The following INTS2 variants were observed in gnomAD, a reference collection of about 807,000 sequenced individuals.
INTS2 encodes KIAA1287.
Under a neutral mutation model 139.6 loss-of-function variants are expected in INTS2, and 57 were observed. That is an observed-to-expected ratio of 0.41 (90% CI 0.33 to 0.51). INTS2 has a LOEUF of 0.51. INTS2 is among the 20% of genes least tolerant of loss of function. INTS2 has a pLI of 0.28. For synonymous variants in INTS2, 473 were observed against 493.4 expected (o/e 0.96, Z 0.55); for missense variants, 1,196 against 1,436.7 (o/e 0.83, Z 2.71).
intron 3 of INTS2, among the ~76,000 whole-genome samples, chr17:61,924,205 G>A (rs999998602): frequency 1.3e-5 from 2 of 152,084 alleles, no homozygotes; most frequent in Non-Finnish European, 2.9e-5. Context: ...TGCTCATCCA[G>A]TGTCTAAATG....
chr17:61,912,535 A>G (rs915183997), intron 5 of INTS2, among the ~76,000 whole-genome samples: 26 of 152,232 alleles, frequency 1.7e-4, no homozygotes, highest in Non-Finnish European at 2.6e-4. Context: ...AGGCAGGAGA[A>G]TCGCTTGAAC....
intron 5 of INTS2, among the ~76,000 whole-genome samples, chr17:61,917,372 T>C (rs1205087347): frequency 1.3e-5 from 2 of 152,106 alleles, no homozygotes; most frequent in African/African-American, 4.8e-5. Flanking sequence ...AGCAAAGACA[T>C]GGAATCAACC....
chr17:61,894,354 A>G (rs1425961694), intron 12 of INTS2, among the ~76,000 whole-genome samples: 1 of 152,206 alleles, frequency 6.6e-6, no homozygotes, highest in Non-Finnish European at 1.5e-5. Flanking sequence ...TTTATTCTCA[A>G]TATGTCATGC....
Position 61,877,952 on chromosome 17 carries a change from A to T in INTS2, c.2391T>A (p.Val797=), listed in dbSNP as rs80353909. The change falls in exon 18 of 25, where the codon GTT becomes GTA. Residue 797 remains valine (V), a synonymous_variant. Transcript: ENST00000251334. ...TGACTGTTTGCAGAATTCTCCGTGG[A>T]ACCCCTGAATTCAATAGCTGGCTCA... ...SNMSQLLNSG[V]PRRILQTVNK... is the part of the protein sequence containing the mutation. 2.9e-4 allele frequency: 476 copies of T among 1,613,790 alleles called. 1 individual carries two copies. In the East Asian group the frequency reaches 8.2e-3, roughly 28 times the overall value.
At position 61,876,624 on chromosome 17, in the gene INTS2, G is replaced by C. The variant is rs959254942; in HGVS notation, c.2456+1263C>G. 1.1e-4 allele frequency among the ~76,000 whole-genome samples: 16 copies of C among 152,004 alleles called. 1 individual carries two copies. Among genetic ancestry groups the C allele is most frequent in the African/African-American group, 3.6e-4 (15 of 41,388 alleles). On this transcript the variant is annotated intron_variant, in intron 18 of 24. Coordinates refer to ENST00000251334, the MANE Select transcript of INTS2 (RefSeq NM_001351695.2). The surrounding 1 kb of genome is among the most constrained non-coding windows in gnomAD (Gnocchi z 4.1). ...TGCCCTGCTAATTTTTGTATTTTTT[G>C]TAGAGACGGGGTTTCACCATGTTGC...
At position 61,870,275 on chromosome 17, in the gene INTS2, A is replaced by T. The variant is rs537645449; in HGVS notation, c.2779-287T>A. 2.6e-5 allele frequency among the ~76,000 whole-genome samples: 4 copies of T among 152,322 alleles called. No homozygotes were observed. In the South Asian group the frequency reaches 8.3e-4, roughly 32 times the overall value. ...TACATAATGATATCACATATCTCTA[A>T]AATAGATCCATGGACTCCAGTTTAA... On this transcript the variant is annotated intron_variant, in intron 20 of 24. Transcript: ENST00000251334. The surrounding 1 kb of genome is among the most constrained non-coding windows in gnomAD (Gnocchi z 4.4).
rs542494809 is a variant in INTS2 at position 61,924,853 on chromosome 17, G to C, written c.432+108C>G. The stretch of plus-strand genomic sequence containing the variant: ...TCCAAAAAAAAAGAACAAAATAAGA[G>C]TAGAGGAGAATTCAACCTGCCTGAC... On this transcript the variant is annotated intron_variant, in intron 3 of 24. Transcript: ENST00000251334. 20 of 1,085,148 alleles carry C rather than the reference G, an allele frequency of 1.8e-5. No individual in the cohort carries two copies. The African/African-American group carries it at 2.8e-4, about 15-fold the overall frequency. 67.2% of individuals were successfully genotyped at this position (1,085,148 alleles called of 1,614,324 possible).
chr17:61,867,474 C>T lies in INTS2; in HGVS notation c.*83G>A. 1.3e-6 allele frequency: 1 copy of T among 742,602 alleles called. No homozygotes were observed. The highest frequency in any genetic ancestry group is 2.2e-6 in the Non-Finnish European group (1 of 457,702). 46.0% of individuals were successfully genotyped at this position (742,602 alleles called of 1,614,324 possible). ...TTCCAAGACAATACTTTACTGTTCCCATTCAGTTTAGAGTTGTTACTAATA... is the reference window on the plus strand; with the variant it reads ...TTCCAAGACAATACTTTACTGTTCCTATTCAGTTTAGAGTTGTTACTAATA... On this transcript the variant is annotated 3_prime_UTR_variant, in exon 25 of 25. Transcript: ENST00000251334. The surrounding 1 kb of genome is among the most constrained non-coding windows in gnomAD (Gnocchi z 5.6).
rs2079504252 is a variant in INTS2, at chr17:61,909,785, G to C, written c.954+1735C>G. Among the ~76,000 whole-genome samples, 1 of 151,846 alleles carries C rather than the reference G, an allele frequency of 6.6e-6. No individual in the cohort carries two copies. Among genetic ancestry groups the C allele is most frequent in the South Asian group, 2.1e-4 (1 of 4,808 alleles). ...TATTCCATGGTGTGTGTGTTTGTGT[G>C]TGTGTATACATATATACGTGTGTGT... On this transcript the variant is annotated intron_variant, in intron 7 of 24. Transcript: ENST00000251334. This position sits in a 1 kb window ranked among gnomAD's most constrained non-coding sequence, Gnocchi z 4.9.
At chr17:61,925,585 T>C (rs939878772) in intron 2 of INTS2, among the ~76,000 whole-genome samples, 3 of 148,752 alleles carry the variant, frequency 2.0e-5, no homozygotes, top group Non-Finnish European at 4.5e-5. Context: ...TAAAAAAAAA[T>C]AAAAATAAAA....
At chr17:61,908,492 C>T (rs1458299856) in intron 7 of INTS2, among the ~76,000 whole-genome samples, 3 of 152,182 alleles carry the variant, frequency 2.0e-5, no homozygotes, top group Admixed American at 2.0e-4. Context: ...TCTTCTCTCA[C>T]TCTGCACAGT....
intron 2 of INTS2, 74 bp from the exon 3 acceptor site, chr17:61,925,173 T>C (rs2079696693): frequency 4.4e-6 from 6 of 1,351,552 alleles, no homozygotes; most frequent in Middle Eastern, 1.8e-4. Flanking sequence ...TTATCTTTTA[T>C]TGAAATAAGC....
intron 3 of INTS2, among the ~76,000 whole-genome samples, chr17:61,922,875 C>A (rs550140314): frequency 6.6e-6 from 1 of 151,676 alleles, no homozygotes; most frequent in African/African-American, 2.4e-5. Flanking sequence ...GTCAGGAGTT[C>A]GAGACCAGCC....
chr17:61,923,895 C>T lies in INTS2; in HGVS notation c.432+1066G>A, dbSNP rs528124779. On this transcript the variant is annotated intron_variant, in intron 3 of 24. Coordinates refer to ENST00000251334, the MANE Select transcript of INTS2 (RefSeq NM_001351695.2). Reference sequence around the variant, plus strand: ...CTTGAACTCCCAACCTCAGGTGATCCGCCCACCTCGGCCTCCCAAAGTGCT... The same window carrying T: ...CTTGAACTCCCAACCTCAGGTGATCTGCCCACCTCGGCCTCCCAAAGTGCT... Among the ~76,000 whole-genome samples, 30 of 152,188 alleles carry T rather than the reference C, an allele frequency of 2.0e-4. No individual in the cohort carries two copies. The South Asian group carries it at 5.6e-3, about 28-fold the overall frequency.
At position 61,893,767 on chromosome 17, in the gene INTS2, T is replaced by C. The variant is rs770885508; in HGVS notation, c.1696A>G (p.Lys566Glu). 1 of 1,580,142 alleles carries C rather than the reference T, an allele frequency of 6.3e-7. No individual in the cohort carries two copies. Among genetic ancestry groups the C allele is most frequent in the East Asian group, 2.3e-5 (1 of 43,738 alleles). The change falls in exon 13 of 25, where the codon AAA (lysine) becomes GAA (glutamate). Residue 566 changes from lysine to glutamate, a missense_variant and splice_region_variant. Around this residue, in one of 3 missense-constraint regions of INTS2, gnomAD observed 1,129 missense variants for 1,341.9 expected, o/e 0.84. Coordinates refer to ENST00000251334, the MANE Select transcript of INTS2 (RefSeq NM_001351695.2). This position sits in a 1 kb window ranked among gnomAD's most constrained non-coding sequence, Gnocchi z 5.4. ...RSFTKHKVSI[K>E]DWIYRQLCET... ...TTGTTTTATTTGTAGGGGCATACTT[T>C]TATTGACACTTTGTGCTTGGTAAAG...
At chr17:61,911,752 C>A in intron 6 of INTS2, 59 bp from the exon 7 acceptor site, 1 of 1,528,658 alleles carries the variant, frequency 6.5e-7, no homozygotes. Context: ...GCCAGTGATG[C>A]TTCCAAATCT....
intron 9 of INTS2, among the ~76,000 whole-genome samples, chr17:61,898,957 A>AT (rs1227944420): frequency 1.3e-5 from 2 of 152,130 alleles, no homozygotes; most frequent in Admixed American, 6.6e-5. Flanking sequence ...ACTTGTGAAA[A>AT]TTTTTTCACC....
intron 4 of INTS2, 90 bp from the exon 5 acceptor site, chr17:61,919,603 A>G: frequency 1.4e-6 from 1 of 691,198 alleles, no homozygotes; most frequent in Non-Finnish European, 2.5e-6. Context: ...TGGAGACTGA[A>G]TCTCACTGTG....
chr17:61,919,344 G>T, intron 5 of INTS2, 56 bp downstream of exon 5: 3 of 819,274 alleles, frequency 3.7e-6, no homozygotes, highest in Non-Finnish European at 4.1e-6. Context: ...AAAAAGATAG[G>T]TCCTGTACAT....
Sources: gnomAD v4.1 joint callset for allele counts (sites outside exome capture counted in the v4.1 genomes callset) on GRCh38, gnomAD v4.1.1 for gene constraint, gnomAD v4.1.1 regional missense constraint, Gnocchi (gnomAD v3.1) non-coding constraint, MANE v1.5 for transcripts, NCBI Gene and HGNC (gene_info 2026-07-23, HGNC 2026-07-21) for gene names.